ACACA: variants seen among roughly 807,000 people sequenced by gnomAD.
The protein encoded by ACACA is acetyl-CoA carboxylase 1.
In ACACA, 103 loss-of-function variants were observed where a neutral mutation model predicts 296.1. The observed-to-expected ratio is 0.35, with a 90% CI of 0.30 to 0.41. The LOEUF is 0.41. Ranked by LOEUF, ACACA falls within the 10% of genes least tolerant of loss-of-function variation. The pLI, the probability that ACACA is intolerant of heterozygous loss-of-function variation, is 1.00. For synonymous variants in ACACA, 953 were observed against 1,038.6 expected (o/e 0.92, Z 1.58); for missense variants, 1,554 against 2,989.7 (o/e 0.52, Z 11.20).
chr17:37,143,047 C>T (rs757782271), intron 45 of ACACA, among the ~76,000 whole-genome samples: 66 of 152,128 alleles, frequency 4.3e-4, no homozygotes, highest in Non-Finnish European at 3.7e-4. Context: ...CTCACAGCGA[C>T]TCTGGTACAC....
chr17:37,173,537 A>C (rs1054618610), intron 41 of ACACA, among the ~76,000 whole-genome samples: 5 of 152,196 alleles, frequency 3.3e-5, no homozygotes, highest in African/African-American at 7.2e-5. Context: ...AGCCCAGTCA[A>C]AATGGTAAGA....
At chr17:37,138,889 C>G (rs1013765973) in intron 45 of ACACA, among the ~76,000 whole-genome samples, 23 of 152,258 alleles carry the variant, frequency 1.5e-4, no homozygotes, top group African/African-American at 5.5e-4. Context: ...TAGGGAGCTG[C>G]AAAGCTGACA....
At chr17:37,183,740 C>T (rs973079838) in intron 39 of ACACA, among the ~76,000 whole-genome samples, 4 of 149,856 alleles carry the variant, frequency 2.7e-5, no homozygotes, top group African/African-American at 9.8e-5. Flanking sequence ...TGCAGTGAGC[C>T]GAGATCGTGC....
chr17:37,359,545 G>C (rs1010463284), intron 1 of ACACA, among the ~76,000 whole-genome samples: 2 of 152,142 alleles, frequency 1.3e-5, no homozygotes, highest in African/African-American at 4.8e-5. Context: ...AGGGGAGTGG[G>C]GGAAGCGGTC....
chr17:37,384,895 G>A (rs897308410), intron 1 of ACACA, among the ~76,000 whole-genome samples: 5 of 152,166 alleles, frequency 3.3e-5, no homozygotes, highest in African/African-American at 1.2e-4. Context: ...ATTTAGAAAA[G>A]TCAAGTAGAA....
chr17:37,182,065 T>C (rs2077348106), intron 39 of ACACA, among the ~76,000 whole-genome samples: 1 of 152,116 alleles, frequency 6.6e-6, no homozygotes, highest in African/African-American at 2.4e-5. Context: ...GCCCTGGTAT[T>C]GAAGTTGAAG....
In ACACA at chr17:37,112,980, T is replaced by A. The variant is rs549777399; in HGVS notation, c.6452+108A>T. ...GGAAGGAAAAAGCTTTGGTTTGGAA[T>A]CACAGGATGTGGGTGCTGTAGTGCC... is the stretch of plus-strand genomic sequence containing the variant. On this transcript the variant is annotated intron_variant, in intron 51 of 55. Transcript: ENST00000616317. 3.0e-6 allele frequency: 4 copies of A among 1,341,904 alleles called. No individual in the cohort carries two copies. The South Asian group carries it at 5.0e-5, about 17-fold the overall frequency. 83.1% of individuals were successfully genotyped at this position (1,341,904 alleles called of 1,614,324 possible).
chr17:37,355,266 A>G (rs1181719195), intron 1 of ACACA, among the ~76,000 whole-genome samples: 1 of 148,686 alleles, frequency 6.7e-6, no homozygotes, highest in Admixed American at 6.7e-5. Context: ...AAATACATAA[A>G]AAATAAAGTG....
intron 50 of ACACA, among the ~76,000 whole-genome samples, 171 bp downstream of exon 50, chr17:37,121,184 T>G (rs372783250): frequency 1.3e-5 from 2 of 152,222 alleles, no homozygotes; most frequent in African/African-American, 4.8e-5. Flanking sequence ...TTATAAAATG[T>G]ACTTTTTTCC....
chr17:37,274,407 G>A, intron 8 of ACACA, 108 bp from the exon 9 acceptor site: 1 of 1,126,218 alleles, frequency 8.9e-7, no homozygotes, highest in Non-Finnish European at 1.3e-6. Context: ...AACTGAGAGT[G>A]GATGGGAGAA....
At chr17:37,337,609 A>G (rs2048185618) in intron 2 of ACACA, among the ~76,000 whole-genome samples, 1 of 151,830 alleles carries the variant, frequency 6.6e-6, no homozygotes, top group African/African-American at 2.4e-5. Context: ...ATGCATCACT[A>G]TGCCTGGCTA....
rs1175942931 is a variant in ACACA, at chr17:37,370,374, C to CT, written c.39-30525_39-30524insA. On this transcript the variant is annotated intron_variant, in intron 1 of 55. Coordinates refer to ENST00000616317, the MANE Select transcript of ACACA (RefSeq NM_198834.3). The stretch of plus-strand genomic sequence containing the variant: ...ATAAAAGAAATTTCCAGCCCAGACG[C>CT]GGTGGCTCACGCCTGTAATCCTAGC... 2.7e-4 allele frequency among the ~76,000 whole-genome samples: 41 copies of CT among 150,446 alleles called. 1 individual carries two copies. The highest frequency in any genetic ancestry group is 9.8e-4 in the African/African-American group (40 of 40,930).
intron 29 of ACACA, among the ~76,000 whole-genome samples, chr17:37,216,193 T>TAC (rs2078986859): frequency 6.9e-6 from 1 of 144,966 alleles, no homozygotes; most frequent in Non-Finnish European, 1.5e-5. Context: ...CACACACGTG[T>TAC]GTGTGTGTGT....
In ACACA at chr17:37,350,695, C is replaced by T. The variant is rs576773700; in HGVS notation, c.39-10845G>A. Among the ~76,000 whole-genome samples the T allele has an allele frequency of 5.9e-5, 9 of 151,822 alleles. No individual in the cohort carries two copies. The South Asian group carries it at 1.0e-3, about 18-fold the overall frequency. Reference sequence around the variant, plus strand: ...TCTCTACTAAAAATACAAAATTATCCGGGCATGGTGGCGCATGCCTGTAAT... The same window carrying T: ...TCTCTACTAAAAATACAAAATTATCTGGGCATGGTGGCGCATGCCTGTAAT... On this transcript the variant is annotated intron_variant, in intron 1 of 55. Transcript: ENST00000616317.
chr17:37,349,328 T>C (rs1190495754), intron 1 of ACACA, among the ~76,000 whole-genome samples: 1 of 149,886 alleles, frequency 6.7e-6, no homozygotes, highest in East Asian at 2.0e-4. Context: ...CCCAGAGCAC[T>C]GGGATTACAG....
In ACACA at chr17:37,381,869, T is replaced by C. The variant is rs188143307; in HGVS notation, c.38+24393A>G. On this transcript the variant is annotated intron_variant, in intron 1 of 55. Transcript: ENST00000616317. ...GTCTCGATCGCCTGACCTTGTGATC[T>C]GCCCGCCTTGGCCTCCCAAAGTGCT... 2.8e-3 allele frequency among the ~76,000 whole-genome samples: 425 copies of C among 151,580 alleles called. 2 individuals are homozygous for C. Among genetic ancestry groups the C allele is most frequent in the African/African-American group, 8.0e-3 (332 of 41,346 alleles).
chr17:37,235,248 C>G (rs915182242), intron 24 of ACACA, 149 bp from the exon 25 acceptor site: 18 of 1,055,714 alleles, frequency 1.7e-5, no homozygotes, highest in Non-Finnish European at 2.4e-5. Flanking sequence ...CAGAAACTGG[C>G]AATGTGATTT....
intron 30 of ACACA, among the ~76,000 whole-genome samples, chr17:37,209,519 T>C (rs2078656164): frequency 6.6e-6 from 1 of 152,058 alleles, no homozygotes; most frequent in Admixed American, 6.6e-5. Context: ...TGAACCAGGG[T>C]GGCTAAAGGC....
At chr17:37,388,707 T>C in intron 1 of ACACA, 1 of 1,611,780 alleles carries the variant, frequency 6.2e-7, no homozygotes, top group Non-Finnish European at 8.5e-7. Flanking sequence ...AGAAATGGAG[T>C]ATTGTGGTCA....
Sources: allele counts gnomAD v4.1 joint callset (sites outside exome capture counted in the v4.1 genomes callset), GRCh38; gene constraint gnomAD v4.1.1; transcripts MANE v1.5; gene names NCBI Gene and HGNC (gene_info 2026-07-23, HGNC 2026-07-21).